Variants in GPC3 observed in about 807,000 individuals in gnomAD.
GPC3 encodes glypican-3.
A neutral mutation model predicts 34.4 loss-of-function variants in GPC3; 3 were observed. The ratio of observed to expected loss-of-function variants is 0.09; its 90% CI spans 0.04 to 0.23. The LOEUF (loss-of-function observed/expected upper bound fraction) is 0.23. Ranked by LOEUF, GPC3 falls within the 10% of genes least tolerant of loss-of-function variation. GPC3 has a pLI of 1.00. For missense variants in GPC3, 351 were observed against 445.6 expected, an observed-to-expected ratio of 0.79 and a Z score of 1.91; for synonymous variants, 177 against 174.0, an observed-to-expected ratio of 1.02 and a Z score of -0.13.
At chrX:133,840,628 TCATCATCAC>T (rs953338086) in intron 2 of GPC3, among the ~76,000 whole-genome samples, 21 of 110,766 alleles carry the variant, frequency 1.9e-4, no homozygotes, top group African/African-American at 4.3e-4. Flanking sequence ...TTCATCACCA[TCATCATCAC>T]CATCATCACC....
rs544421124 is a variant in GPC3, at chrX:133,980,436, A to G, written c.175+4839T>C. Among the ~76,000 whole-genome samples the G allele has an allele frequency of 5.1e-4, 57 of 112,483 alleles. 2 individuals carry two copies. The South Asian group carries it at 0.021, about 40-fold the overall frequency. ...TCTAGAAATTCTGTTTTTGTAAATT[A>G]TTTACTAAATGCTGTATGGCCTTGT... On this transcript the variant is annotated intron_variant, in intron 1 of 7. Transcript: ENST00000370818.
At chrX:133,718,247 T>C (rs193156112) in intron 3 of GPC3, among the ~76,000 whole-genome samples, 1 of 112,280 alleles carries the variant, frequency 8.9e-6, no homozygotes, top group Admixed American at 9.4e-5. Context: ...TTGATCGGAA[T>C]ACAATGTTTG....
chrX:133,550,269 C>A (rs778295984), intron 7 of GPC3, among the ~76,000 whole-genome samples: 2 of 110,777 alleles, frequency 1.8e-5, no homozygotes, highest in Non-Finnish European at 3.8e-5. Context: ...CCTGTCTCGG[C>A]CTCCTAAAGT....
At chrX:133,565,610 T>G (rs763657602) in intron 7 of GPC3, among the ~76,000 whole-genome samples, 1 of 112,202 alleles carries the variant, frequency 8.9e-6, no homozygotes, top group Non-Finnish European at 1.9e-5. Context: ...GTGATGAAAG[T>G]AGGTTCCTGT....
At chrX:133,826,784 T>C (rs1226178128) in intron 2 of GPC3, among the ~76,000 whole-genome samples, 1 of 111,459 alleles carries the variant, frequency 9.0e-6, no homozygotes, top group African/African-American at 3.3e-5. Flanking sequence ...CAGAAAACCT[T>C]GAAAGCAGCA....
chrX:133,913,002 C>A (rs1159236129), intron 2 of GPC3, among the ~76,000 whole-genome samples: 1 of 103,023 alleles, frequency 9.7e-6, no homozygotes, highest in Admixed American at 1.1e-4. Context: ...TGCAGTGAGC[C>A]GAGATCGTGC....
intron 2 of GPC3, among the ~76,000 whole-genome samples, chrX:133,818,403 A>G (rs924165161): frequency 2.2e-4 from 25 of 111,814 alleles, no homozygotes; most frequent in African/African-American, 7.8e-4. Flanking sequence ...CCTCTCCCTG[A>G]GATAAGGAAT....
At chrX:133,926,287 G>A (rs949766948) in intron 2 of GPC3, among the ~76,000 whole-genome samples, 17 of 111,986 alleles carry the variant, frequency 1.5e-4, no homozygotes, top group African/African-American at 4.2e-4. Context: ...TCCAAACTCC[G>A]TAGCTGTAGG....
chrX:133,644,028 AT>A (rs1569404271), intron 6 of GPC3, among the ~76,000 whole-genome samples: 1 of 109,598 alleles, frequency 9.1e-6, no homozygotes, highest in Non-Finnish European at 1.9e-5. Context: ...GGGTTTCGCT[AT>A]GTTGGCCAGG....
At chrX:133,579,014 C>T (rs1264977460) in intron 7 of GPC3, among the ~76,000 whole-genome samples, 2 of 111,231 alleles carry the variant, frequency 1.8e-5, no homozygotes, top group African/African-American at 6.5e-5. Flanking sequence ...CCAGCCTCAC[C>T]TCTTGCTTCT....
chrX:133,836,835 C>T, intron 2 of GPC3, among the ~76,000 whole-genome samples: 1 of 111,828 alleles, frequency 8.9e-6, no homozygotes. Context: ...ACTAGGCCAA[C>T]AGTTCTTCAG....
chrX:133,801,965 A>G (rs2075612071), intron 2 of GPC3, among the ~76,000 whole-genome samples: 1 of 112,115 alleles, frequency 8.9e-6, no homozygotes, highest in Admixed American at 9.5e-5. Context: ...ACTGAGAAAC[A>G]GAAATGGGCC....
At chrX:133,606,802 T>C (rs2070055864) in intron 6 of GPC3, among the ~76,000 whole-genome samples, 1 of 111,792 alleles carries the variant, frequency 8.9e-6, no homozygotes, top group Non-Finnish European at 1.9e-5. Flanking sequence ...ATCTCCCACA[T>C]TGTGTAATTA....
intron 7 of GPC3, among the ~76,000 whole-genome samples, chrX:133,567,761 C>G (rs757519103): frequency 8.9e-6 from 1 of 111,955 alleles, no homozygotes; most frequent in African/African-American, 3.2e-5. Context: ...AGGCCCAAAT[C>G]CAACAAATAA....
rs151253594 is a variant in GPC3 at position 133,761,867 on chromosome X, C to G, written c.338-7691G>C. On this transcript the variant is annotated intron_variant, in intron 2 of 7. Coordinates refer to ENST00000370818, the MANE Select transcript of GPC3 (RefSeq NM_004484.4). The stretch of plus-strand genomic sequence containing the variant: ...CATTTTTCCCTCTTCACATTTATTA[C>G]TAGAACGCTTAGGGCCAAATTTATG... 4.7e-3 allele frequency among the ~76,000 whole-genome samples: 524 copies of G among 111,936 alleles called. 3 individuals are homozygous for G. Among genetic ancestry groups the G allele is most frequent in the African/African-American group, 0.016 (494 of 30,831 alleles).
At position 133,815,546 on chromosome X, in the gene GPC3, C is replaced by A. The variant is rs896912528; in HGVS notation, c.338-61370G>T. Among the ~76,000 whole-genome samples the A allele has an allele frequency of 2.0e-4, 22 of 110,677 alleles. No individual in the cohort carries two copies. The Admixed American group carries it at 2.1e-3, about 11-fold the overall frequency. ...TACATCTTGCTTCACATGTGGCCAA[C>A]CACACTTCCCTTAGGAAAACTAAAA... On this transcript the variant is annotated intron_variant, in intron 2 of 7. Coordinates refer to ENST00000370818, the MANE Select transcript of GPC3 (RefSeq NM_004484.4).
intron 2 of GPC3, among the ~76,000 whole-genome samples, chrX:133,756,721 T>C (rs2071728613): frequency 8.9e-6 from 1 of 112,701 alleles, no homozygotes; most frequent in Non-Finnish European, 1.9e-5. Context: ...ACAATGCATG[T>C]TGCAGGGGAA....
intron 6 of GPC3, among the ~76,000 whole-genome samples, chrX:133,630,505 G>C (rs887440687): frequency 8.9e-5 from 10 of 111,991 alleles, no homozygotes; most frequent in Admixed American, 6.6e-4. Context: ...CTTGGAAATG[G>C]CTGCTGTCTG....
chrX:133,860,591 T>A (rs2075931739), intron 2 of GPC3, among the ~76,000 whole-genome samples: 1 of 112,279 alleles, frequency 8.9e-6, no homozygotes, highest in Non-Finnish European at 1.9e-5. Flanking sequence ...ATCATTATTC[T>A]CATTCTAAAA....
Sources: gnomAD v4.1 joint callset for allele counts (sites outside exome capture counted in the v4.1 genomes callset) on GRCh38, gnomAD v4.1.1 for gene constraint, MANE v1.5 for transcripts, NCBI Gene and HGNC (gene_info 2026-07-23, HGNC 2026-07-21) for gene names.